Variants in WWOX observed in about 807,000 individuals in gnomAD.
WWOX encodes the protein WW domain-containing oxidoreductase.
WWOX carries 69 observed loss-of-function variants against 46.2 expected under a neutral mutation model. The observed-to-expected ratio is 1.49, with a 90% CI of 1.23 to 1.82. The LOEUF is 1.82. Ranked by LOEUF, WWOX falls within the 40% of genes most tolerant of loss-of-function variation. The pLI is 0.00. For missense variants in WWOX, 919 were observed against 542.6 expected, an observed-to-expected ratio of 1.69 and a Z score of -6.89; for synonymous variants, 359 against 202.6, an observed-to-expected ratio of 1.77 and a Z score of -6.56.
chr16:79,165,137 G>C (rs1009532294), intron 8 of WWOX, among the ~76,000 whole-genome samples: 1 of 126,722 alleles, frequency 7.9e-6, no homozygotes, highest in Non-Finnish European at 1.6e-5. Context: ...GGTCTTCACA[G>C]ATTAAAACGA....
intron 8 of WWOX, among the ~76,000 whole-genome samples, chr16:78,541,686 G>A (rs1597237758): frequency 6.6e-6 from 1 of 151,830 alleles, no homozygotes; most frequent in South Asian, 2.1e-4. Context: ...CATTGAAAAA[G>A]TGATTTAGCC....
At chr16:79,121,848 A>C (rs1480807768) in intron 8 of WWOX, among the ~76,000 whole-genome samples, 1 of 152,200 alleles carries the variant, frequency 6.6e-6, no homozygotes, top group African/African-American at 2.4e-5. Context: ...GGATATTAAA[A>C]CAATTCGTTC....
chr16:78,956,782 T>C (rs934609535), intron 8 of WWOX, among the ~76,000 whole-genome samples: 1 of 152,124 alleles, frequency 6.6e-6, no homozygotes, highest in Admixed American at 6.5e-5. Context: ...GCCTCAGACC[T>C]GTAGGGGAAA....
At chr16:78,329,351 G>A (rs750025422) in intron 5 of WWOX, among the ~76,000 whole-genome samples, 10 of 152,118 alleles carry the variant, frequency 6.6e-5, no homozygotes, top group Non-Finnish European at 1.2e-4. Flanking sequence ...AAATGATGAG[G>A]GATGCAAAAA....
chr16:78,751,936 T>C (rs1488893677), intron 8 of WWOX, among the ~76,000 whole-genome samples: 1 of 152,186 alleles, frequency 6.6e-6, no homozygotes, highest in African/African-American at 2.4e-5. Context: ...CAACTGTGTC[T>C]TTCTTCTGGT....
intron 8 of WWOX, among the ~76,000 whole-genome samples, chr16:78,922,380 ATT>A (rs33954701): frequency 1.9e-3 from 257 of 137,442 alleles, no homozygotes; most frequent in Middle Eastern, 3.9e-3. Flanking sequence ...TATTTCAGTG[ATT>A]TTTTTTTTTT....
chr16:78,660,477 A>G (rs77096672), intron 8 of WWOX, among the ~76,000 whole-genome samples: 1 of 152,176 alleles, frequency 6.6e-6, no homozygotes, highest in East Asian at 1.9e-4. Flanking sequence ...GGGTGGGCAT[A>G]TAATGAGTAA....
intron 8 of WWOX, among the ~76,000 whole-genome samples, chr16:78,576,486 A>G (rs1031119997): frequency 1.3e-5 from 2 of 152,058 alleles, no homozygotes; most frequent in Non-Finnish European, 2.9e-5. Flanking sequence ...ATGTTTTTCC[A>G]TTTCGGTTTC....
At position 78,752,888 on chromosome 16, in the gene WWOX, C is replaced by T. The variant is rs117808685; in HGVS notation, c.1056+320136C>T. ...TCCTGATCTAAATCTGTCCTGGTCC[C>T]ATCTTGGCTGGGTGCCACCAGCAGC... On this transcript the variant is annotated intron_variant, in intron 8 of 8. Coordinates refer to ENST00000566780, the MANE Select transcript of WWOX (RefSeq NM_016373.4). 7.6e-3 allele frequency among the ~76,000 whole-genome samples: 1,159 copies of T among 152,296 alleles called. 10 individuals are homozygous for T. The highest frequency in any genetic ancestry group is 0.012 in the Non-Finnish European group (787 of 68,028).
At chr16:79,083,510 C>G (rs1294577527) in intron 8 of WWOX, among the ~76,000 whole-genome samples, 1 of 152,158 alleles carries the variant, frequency 6.6e-6, no homozygotes, top group Non-Finnish European at 1.5e-5. Context: ...CCTATCTCAC[C>G]TGACACAAAC....
chr16:78,714,055 T>C (rs1205329484), intron 8 of WWOX, among the ~76,000 whole-genome samples: 1 of 152,134 alleles, frequency 6.6e-6, no homozygotes, highest in Non-Finnish European at 1.5e-5. Flanking sequence ...GAAGGCAAAA[T>C]GATGACTTAA....
chr16:78,302,826 C>A (rs147611047), intron 5 of WWOX, among the ~76,000 whole-genome samples: 2 of 152,308 alleles, frequency 1.3e-5, no homozygotes, highest in African/African-American at 4.8e-5. Flanking sequence ...ATGCAATTTG[C>A]CAGCTCCCTC....
chr16:79,065,678 C>T (rs186730583), intron 8 of WWOX, among the ~76,000 whole-genome samples: 3 of 152,308 alleles, frequency 2.0e-5, no homozygotes, highest in East Asian at 3.9e-4. Flanking sequence ...TAATCCTAAC[C>T]TTGTGGCCTT....
intron 8 of WWOX, among the ~76,000 whole-genome samples, chr16:78,883,604 A>T (rs2044388976): frequency 6.6e-6 from 1 of 152,012 alleles, no homozygotes; most frequent in African/African-American, 2.4e-5. Flanking sequence ...CCCACCTGTA[A>T]TCCCAGCTAC....
At chr16:78,718,786 G>C (rs1475009489) in intron 8 of WWOX, among the ~76,000 whole-genome samples, 1 of 152,058 alleles carries the variant, frequency 6.6e-6, no homozygotes, top group Non-Finnish European at 1.5e-5. Flanking sequence ...CATATTTATT[G>C]AGACACTAAT....
intron 5 of WWOX, among the ~76,000 whole-genome samples, chr16:78,358,384 G>T (rs150382667): frequency 4.0e-4 from 61 of 152,314 alleles, no homozygotes; most frequent in African/African-American, 1.4e-3. Context: ...ATAGCCAAGT[G>T]CAGTGGCTTA....
intron 5 of WWOX, among the ~76,000 whole-genome samples, chr16:78,327,928 G>A (rs143087739): frequency 1.5e-5 from 2 of 133,692 alleles, no homozygotes; most frequent in African/African-American, 5.7e-5. Flanking sequence ...CCAGGCTGGA[G>A]TACAGTTGTA....
At chr16:79,146,321 T>C (rs1453852291) in intron 8 of WWOX, among the ~76,000 whole-genome samples, 1 of 152,158 alleles carries the variant, frequency 6.6e-6, no homozygotes, top group African/African-American at 2.4e-5. Flanking sequence ...AGCAGAGCCT[T>C]CTTTGATGCC....
chr16:78,948,864 C>T (rs1443694643), intron 8 of WWOX, among the ~76,000 whole-genome samples: 1 of 152,044 alleles, frequency 6.6e-6, no homozygotes, highest in Non-Finnish European at 1.5e-5. Context: ...GATCAGAGTT[C>T]TCACAGGAGC....
Sources: allele counts gnomAD v4.1 joint callset (sites outside exome capture counted in the v4.1 genomes callset), GRCh38; gene constraint gnomAD v4.1.1; transcripts MANE v1.5; gene names NCBI Gene and HGNC (gene_info 2026-07-23, HGNC 2026-07-21).